Variants in NRG1 observed in about 807,000 individuals in gnomAD.
The protein encoded by NRG1 is neuregulin 1, also known as pro-neuregulin-1, membrane-bound isoform.
In NRG1, 18 loss-of-function variants were observed where a neutral mutation model predicts 63.8. That is an observed-to-expected ratio of 0.28 (90% CI 0.19 to 0.42). The LOEUF is 0.42. NRG1 is among the 10% of genes least tolerant of loss of function. The pLI, the probability that NRG1 is intolerant of heterozygous loss-of-function variation, is 1.00. For missense variants in NRG1, 762 were observed against 814.7 expected, an observed-to-expected ratio of 0.94 and a Z score of 0.79; for synonymous variants, 302 against 301.3, an observed-to-expected ratio of 1.00 and a Z score of -0.02.
intron 1 of NRG1, among the ~76,000 whole-genome samples, chr8:32,263,515 C>G (rs1367651533): frequency 1.3e-5 from 2 of 152,162 alleles, no homozygotes; most frequent in Non-Finnish European, 1.5e-5. Flanking sequence ...TTTGTTATCT[C>G]TTTTCCTTCT....
chr8:31,927,386 T>C (rs1044739506), intron 1 of NRG1, among the ~76,000 whole-genome samples: 34 of 152,006 alleles, frequency 2.2e-4, no homozygotes, highest in Non-Finnish European at 4.0e-4. Flanking sequence ...AATTTTTTTT[T>C]CCTTTTCAAT....
At chr8:31,973,975 GA>G (rs1807740996) in intron 1 of NRG1, among the ~76,000 whole-genome samples, 1 of 152,138 alleles carries the variant, frequency 6.6e-6, no homozygotes, top group Non-Finnish European at 1.5e-5. Context: ...GGCTGTGAGG[GA>G]AGATATTCCC....
intron 1 of NRG1, among the ~76,000 whole-genome samples, chr8:31,832,886 G>A (rs1825305168): frequency 6.6e-6 from 1 of 152,144 alleles, no homozygotes; most frequent in Non-Finnish European, 1.5e-5. Flanking sequence ...TTTTGCAAGT[G>A]TTTTGAGGAG....
chr8:31,729,564 G>T (rs936812097), intron 1 of NRG1, among the ~76,000 whole-genome samples: 1 of 151,862 alleles, frequency 6.6e-6, no homozygotes, highest in East Asian at 1.9e-4. Flanking sequence ...TGAAAAACTT[G>T]GTTTTCTCCA....
At chr8:32,402,830 A>C (rs1224518969) in intron 1 of NRG1, among the ~76,000 whole-genome samples, 3 of 152,192 alleles carry the variant, frequency 2.0e-5, no homozygotes, top group Non-Finnish European at 2.9e-5. Flanking sequence ...ATTTGTGCAT[A>C]GTATATAAAG....
At chr8:31,662,037 C>A (rs1225713811) in intron 1 of NRG1, among the ~76,000 whole-genome samples, 2 of 152,192 alleles carry the variant, frequency 1.3e-5, no homozygotes, top group Admixed American at 6.5e-5. Context: ...CTAGTCTATA[C>A]CCTGACCACA....
At chr8:31,642,769 CG>C (rs1488636270) in intron 1 of NRG1, among the ~76,000 whole-genome samples, 1 of 151,984 alleles carries the variant, frequency 6.6e-6, no homozygotes, top group Admixed American at 6.6e-5. Context: ...GTGTGCTTGG[CG>C]ATTTTTGTGT....
intron 1 of NRG1, among the ~76,000 whole-genome samples, chr8:32,460,114 G>A (rs528593506): frequency 2.6e-5 from 4 of 152,150 alleles, no homozygotes; most frequent in Non-Finnish European, 4.4e-5. Context: ...GTTTGTTCAC[G>A]GCAGTAATTC....
intron 5 of NRG1, among the ~76,000 whole-genome samples, chr8:32,632,405 C>T (rs905318486): frequency 3.3e-5 from 5 of 151,976 alleles, no homozygotes; most frequent in Non-Finnish European, 4.4e-5. Flanking sequence ...CAAAATTAGC[C>T]GGGCGTGGTG....
At chr8:32,754,314 A>T in intron 7 of NRG1, 58 bp from the exon 8 acceptor site, 1 of 1,451,978 alleles carries the variant, frequency 6.9e-7, no homozygotes, top group African/African-American at 1.4e-5. Flanking sequence ...GTTTGGTTGT[A>T]GTCAGTCCTG....
intron 1 of NRG1, among the ~76,000 whole-genome samples, chr8:32,349,441 T>G (rs1273827233): frequency 6.6e-6 from 1 of 152,182 alleles, no homozygotes; most frequent in East Asian, 1.9e-4. Context: ...GGAGAAGTGG[T>G]ACACTATGAG....
intron 1 of NRG1, among the ~76,000 whole-genome samples, chr8:32,461,389 G>A (rs373064867): frequency 3.4e-4 from 52 of 152,234 alleles, no homozygotes; most frequent in African/African-American, 1.2e-3. Context: ...TTGTTAGTGA[G>A]TTGTATTCAA....
intron 1 of NRG1, among the ~76,000 whole-genome samples, chr8:31,710,307 A>G (rs1156806275): frequency 6.6e-6 from 1 of 151,904 alleles, no homozygotes; most frequent in Non-Finnish European, 1.5e-5. Flanking sequence ...TTTTCTTTAT[A>G]GCCTCATATG....
intron 1 of NRG1, among the ~76,000 whole-genome samples, chr8:31,661,042 T>C (rs1006632265): frequency 2.0e-5 from 3 of 152,204 alleles, no homozygotes; most frequent in African/African-American, 4.8e-5. Context: ...CTTGTTCTTG[T>C]TGTAATGCTG....
chr8:32,105,501 T>G lies in NRG1; in HGVS notation c.37+466070T>G, dbSNP rs1451688698. The stretch of plus-strand genomic sequence containing the variant: ...ATAGCATGGCAAAGACCCGCCACCA[T>G]GATTCAATTACCTCCCACCAGGTGT... On this transcript the variant is annotated intron_variant, in intron 1 of 10. Coordinates refer to the NRG1 transcript ENST00000519301. Among the ~76,000 whole-genome samples the G allele has an allele frequency of 2.6e-5, 4 of 152,136 alleles. No individual in the cohort carries two copies. The East Asian group carries it at 7.7e-4, about 29-fold the overall frequency.
chr8:32,252,925 G>T (rs1427909967), intron 1 of NRG1, among the ~76,000 whole-genome samples: 2 of 152,118 alleles, frequency 1.3e-5, no homozygotes, highest in East Asian at 1.9e-4. Flanking sequence ...CTTGTAAGTT[G>T]TATTCCTAGG....
intron 1 of NRG1, among the ~76,000 whole-genome samples, chr8:32,218,950 A>G (rs1845529361): frequency 6.6e-6 from 1 of 152,216 alleles, no homozygotes; most frequent in African/African-American, 2.4e-5. Flanking sequence ...AGAATCACAG[A>G]AGACATTTAC....
At chr8:31,778,866 G>A (rs1017768859) in intron 1 of NRG1, among the ~76,000 whole-genome samples, 1 of 152,226 alleles carries the variant, frequency 6.6e-6, no homozygotes, top group Non-Finnish European at 1.5e-5. Flanking sequence ...TGCTTTGGAA[G>A]GTCTGTGGAT....
At chr8:32,532,186 AT>A (rs1169704704) in intron 1 of NRG1, among the ~76,000 whole-genome samples, 7 of 152,182 alleles carry the variant, frequency 4.6e-5, no homozygotes, top group Admixed American at 1.3e-4. Flanking sequence ...GGGATTATGG[AT>A]TAATCAGAGC....
Sources: gnomAD v4.1 joint callset for allele counts (sites outside exome capture counted in the v4.1 genomes callset) on GRCh38, gnomAD v4.1.1 for gene constraint, MANE v1.5 for transcripts, NCBI Gene and HGNC (gene_info 2026-07-23, HGNC 2026-07-21) for gene names.